The following NFAT5 variants were observed in gnomAD, a reference collection of about 807,000 sequenced individuals.
NFAT5 encodes nuclear factor of activated T-cells 5.
In NFAT5, 31 loss-of-function variants were observed where a neutral mutation model predicts 166.5. That is an observed-to-expected ratio of 0.19 (90% CI 0.14 to 0.25). The LOEUF (loss-of-function observed/expected upper bound fraction) is 0.25. Ranked by LOEUF, NFAT5 falls within the 10% of genes least tolerant of loss-of-function variation. NFAT5 has a pLI of 1.00. For synonymous variants in NFAT5, 612 were observed against 639.7 expected (o/e 0.96, Z 0.65); for missense variants, 1,449 against 1,821.8 (o/e 0.80, Z 3.72).
intron 2 of NFAT5, among the ~76,000 whole-genome samples, chr16:69,576,973 A>G (rs181305399): frequency 6.6e-6 from 1 of 152,222 alleles, no homozygotes; most frequent in Non-Finnish European, 1.5e-5. Context: ...TATTTCTGCT[A>G]GTATGTTTCA....
chr16:69,674,241 CAAA>C (rs59975972), intron 9 of NFAT5, among the ~76,000 whole-genome samples: 6 of 71,348 alleles, frequency 8.4e-5, no homozygotes, highest in Admixed American at 1.5e-4. Flanking sequence ...GAAACTGTCT[CAAA>C]AAAAAAAAAA....
chr16:69,671,984 A>G (rs983502601), intron 9 of NFAT5, among the ~76,000 whole-genome samples: 2 of 152,234 alleles, frequency 1.3e-5, no homozygotes, highest in African/African-American at 4.8e-5. Flanking sequence ...TATAAATCAC[A>G]TTGTTAGACT....
At chr16:69,618,240 A>G (rs2151567666) in intron 2 of NFAT5, among the ~76,000 whole-genome samples, 1 of 152,204 alleles carries the variant, frequency 6.6e-6, no homozygotes, top group African/African-American at 2.4e-5. Context: ...GCTGTATATT[A>G]TTTAAAATTA....
At chr16:69,615,558 A>T (rs2033903808) in intron 2 of NFAT5, among the ~76,000 whole-genome samples, 2 of 151,658 alleles carry the variant, frequency 1.3e-5, no homozygotes, top group African/African-American at 4.8e-5. Context: ...ATATGTCTGT[A>T]CACACACACA....
intron 3 of NFAT5, among the ~76,000 whole-genome samples, chr16:69,629,126 T>C (rs2034595307): frequency 6.6e-6 from 1 of 152,110 alleles, no homozygotes; most frequent in South Asian, 2.1e-4. Context: ...ACTCTTGATA[T>C]AGTTAATTCT....
At chr16:69,672,005 C>A (rs1180867557) in intron 9 of NFAT5, among the ~76,000 whole-genome samples, 1 of 152,188 alleles carries the variant, frequency 6.6e-6, no homozygotes. Flanking sequence ...ATCCAGCGAC[C>A]AAAGCTCTCA....
At chr16:69,652,453 G>GAAAAAAAAAAAA (rs74216983) in intron 4 of NFAT5, among the ~76,000 whole-genome samples, 1 of 60,638 alleles carries the variant, frequency 1.6e-5, no homozygotes, top group African/African-American at 6.5e-5. Context: ...CTCCATCTCA[G>GAAAAAAAAAAAA]AAAAAAAAAA....
At chr16:69,660,841 G>A (rs900129771) in intron 7 of NFAT5, among the ~76,000 whole-genome samples, 4 of 147,432 alleles carry the variant, frequency 2.7e-5, no homozygotes, top group South Asian at 4.3e-4. Flanking sequence ...ATGGAGTTTC[G>A]CTTGTTGCCC....
chr16:69,674,174 C>T (rs564488560), intron 9 of NFAT5, among the ~76,000 whole-genome samples: 2 of 141,870 alleles, frequency 1.4e-5, no homozygotes, highest in Admixed American at 1.5e-4. Flanking sequence ...ACCCAGGAGG[C>T]GGAGGTTGCA....
At chr16:69,613,597 T>A (rs2033803767) in intron 2 of NFAT5, among the ~76,000 whole-genome samples, 1 of 152,202 alleles carries the variant, frequency 6.6e-6, no homozygotes, top group Non-Finnish European at 1.5e-5. Context: ...AGTTTCTCCT[T>A]CCTTTTCCCC....
chr16:69,626,071 A>G (rs1000363379), intron 2 of NFAT5, among the ~76,000 whole-genome samples: 2 of 150,818 alleles, frequency 1.3e-5, no homozygotes, highest in Admixed American at 1.3e-4. Flanking sequence ...AGCCTCCCAA[A>G]TAGTTGGGAC....
rs1188158260 is a variant in NFAT5, at chr16:69,688,202, C to CAAAAAAAAAA, written c.1775-2723_1775-2714dup. On this transcript the variant is annotated intron_variant, in intron 11 of 14. Transcript: ENST00000349945. ...TGGGCGACAGAGCGAGACTCCGTCT[C>CAAAAAAAAAA]AAAAAAAAAAAAAAAAAAAAAAAAC... is the stretch of plus-strand genomic sequence containing the variant. Among the ~76,000 whole-genome samples, 428 of 49,420 alleles carry CAAAAAAAAAA rather than the reference C, an allele frequency of 8.7e-3. 20 individuals are homozygous for CAAAAAAAAAA. Among genetic ancestry groups the CAAAAAAAAAA allele is most frequent in the African/African-American group, 0.024 (383 of 15,688 alleles). The allele number at this position is 49,420 out of a possible 152,430, so 32.4% of individuals were successfully genotyped here.
At chr16:69,581,800 A>G (rs569279923) in intron 2 of NFAT5, among the ~76,000 whole-genome samples, 1 of 152,314 alleles carries the variant, frequency 6.6e-6, no homozygotes, top group South Asian at 2.1e-4. Flanking sequence ...AATCTTAAAA[A>G]TTATATATTT....
Position 69,583,973 on chromosome 16 carries a change from CT to C in NFAT5, c.127+15426del, listed in dbSNP as rs904980620. ...GTTGCGGTGGCTCACACCTGTAATC[CT>C]AGCACTTTGGAAGGCTGAGGTGGGC... On this transcript the variant is annotated intron_variant, in intron 2 of 14. Coordinates refer to ENST00000349945, the MANE Select transcript of NFAT5 (RefSeq NM_138713.4). 3.1e-4 allele frequency among the ~76,000 whole-genome samples: 47 copies of C among 152,220 alleles called. 1 individual carries two copies. The highest frequency in any genetic ancestry group is 2.8e-3 in the Admixed American group (43 of 15,274).
intron 2 of NFAT5, among the ~76,000 whole-genome samples, chr16:69,620,403 C>G (rs908754137): frequency 1.3e-5 from 2 of 152,058 alleles, no homozygotes. Context: ...CACATTATCG[C>G]ACAAATTATT....
chr16:69,663,181 C>G (rs866813293), intron 7 of NFAT5, among the ~76,000 whole-genome samples: 1 of 152,264 alleles, frequency 6.6e-6, no homozygotes, highest in Middle Eastern at 3.4e-3. Context: ...GATACTTGAT[C>G]TTCCTTCTAT....
At chr16:69,621,842 G>A (rs2034212455) in intron 2 of NFAT5, among the ~76,000 whole-genome samples, 1 of 151,990 alleles carries the variant, frequency 6.6e-6, no homozygotes, top group African/African-American at 2.4e-5. Context: ...GTACATTTGT[G>A]GTCCCAGCCA....
At chr16:69,570,029 A>G (rs1056896635) in intron 2 of NFAT5, among the ~76,000 whole-genome samples, 3 of 152,290 alleles carry the variant, frequency 2.0e-5, no homozygotes, top group Middle Eastern at 3.4e-3. Flanking sequence ...CATAGAGATG[A>G]TCAGGGAGGA....
Position 69,679,381 on chromosome 16 carries a change from C to T in NFAT5, c.1690+2046C>T, listed in dbSNP as rs112194575. Among the ~76,000 whole-genome samples the T allele has an allele frequency of 8.6e-5, 13 of 151,580 alleles. 1 individual carries two copies. The highest frequency in any genetic ancestry group is 8.0e-4 in the East Asian group (4 of 5,030). On this transcript the variant is annotated intron_variant, in intron 10 of 14. Coordinates refer to ENST00000349945, the MANE Select transcript of NFAT5 (RefSeq NM_138713.4). ...CTGTAATCCTAGCACATTGGGAGGC[C>T]GAGGTGGGCGAATCACTTAAGGCCA... is the stretch of plus-strand genomic sequence containing the variant.
Sources: allele counts gnomAD v4.1 joint callset (sites outside exome capture counted in the v4.1 genomes callset), GRCh38; gene constraint gnomAD v4.1.1; transcripts MANE v1.5; gene names NCBI Gene and HGNC (gene_info 2026-07-23, HGNC 2026-07-21).